Variants in STXBP5L observed in about 807,000 individuals in gnomAD.
The protein encoded by STXBP5L is syntaxin-binding protein 5-like.
A neutral mutation model predicts 144.5 loss-of-function variants in STXBP5L; 65 were observed. The observed-to-expected ratio is 0.45, with a 90% CI of 0.37 to 0.55. The LOEUF (loss-of-function observed/expected upper bound fraction) is 0.55, where lower values mean the gene tolerates loss of function less well. STXBP5L is among the 20% of genes least tolerant of loss of function. The probability of loss-of-function intolerance (pLI) is 0.00; values close to 1 mark genes in which losing one functional copy is unlikely to be tolerated. For missense variants in STXBP5L, 1,298 were observed against 1,405.5 expected (o/e 0.92, Z 1.22); for synonymous variants, 505 against 469.6 (o/e 1.08, Z -0.97).
intron 7 of STXBP5L, among the ~76,000 whole-genome samples, chr3:121,140,940 T>C (rs898212103): frequency 6.6e-6 from 1 of 152,164 alleles, no homozygotes; most frequent in African/African-American, 2.4e-5. Context: ...CTTTTAACTA[T>C]AATAAGTTTA....
chr3:121,034,712 G>T (rs1000403340), intron 3 of STXBP5L, among the ~76,000 whole-genome samples: 4 of 152,088 alleles, frequency 2.6e-5, no homozygotes, highest in African/African-American at 9.7e-5. Context: ...TTGGTATAAT[G>T]ATTTCTTCTC....
At chr3:121,229,164 C>T (rs1201805128) in intron 11 of STXBP5L, among the ~76,000 whole-genome samples, 1 of 152,116 alleles carries the variant, frequency 6.6e-6, no homozygotes, top group Non-Finnish European at 1.5e-5. Flanking sequence ...AGTTATATCG[C>T]TCTAGGAAAA....
chr3:121,223,088 A>G lies in STXBP5L; in HGVS notation c.1042A>G (p.Ile348Val). The stretch of plus-strand genomic sequence containing the variant: ...TTTAACCATCATGCATGGAAAAGCA[A>G]TTACAGTACTTGAAATGGATCATCC... Reference protein sequence around the residue: ...PSLTIMHGKAITVLEMDHPIV... With the variant: ...PSLTIMHGKAVTVLEMDHPIV... The change falls in exon 11 of 27, where the codon ATT becomes GTT. Residue 348 changes from isoleucine to valine, a missense_variant. By Grantham distance (29) the Ile-to-Val change is conservative. Transcript: ENST00000471454. The G allele has an allele frequency of 6.2e-7, 1 of 1,612,930 alleles. No individual in the cohort carries two copies. The highest frequency in any genetic ancestry group is 1.1e-5 in the South Asian group (1 of 90,930).
In STXBP5L at chr3:121,362,046, A is replaced by G. The variant is rs747157939; in HGVS notation, c.2177-16670A>G. Among the ~76,000 whole-genome samples the G allele has an allele frequency of 1.5e-4, 23 of 152,372 alleles. No homozygotes were observed. In the South Asian group the frequency reaches 1.7e-3, roughly 11 times the overall value. ...GCTATAGTTCTTGCAGACTCATAGA[A>G]GTACTGCTTTAATAGTCTTGGACAA... On this transcript the variant is annotated intron_variant, in intron 20 of 26. Transcript: ENST00000471454.
At position 120,961,991 on chromosome 3, in the gene STXBP5L, T is replaced by C. The variant is rs185443595; in HGVS notation, c.287+6954T>C. ...CCAACTGGCATGAGATGGTATCTCA[T>C]TGTGGGTTTGAATTTCATTTCTCTG... On this transcript the variant is annotated intron_variant, in intron 3 of 26. Coordinates refer to ENST00000471454, the MANE Select transcript of STXBP5L (RefSeq NM_001308330.2). Among the ~76,000 whole-genome samples the C allele has an allele frequency of 2.2e-3, 334 of 152,362 alleles. 1 individual carries two copies. The highest frequency in any genetic ancestry group is 7.3e-3 in the African/African-American group (303 of 41,582).
intron 20 of STXBP5L, among the ~76,000 whole-genome samples, chr3:121,331,318 T>G (rs1577475657): frequency 6.6e-6 from 1 of 152,190 alleles, no homozygotes; most frequent in East Asian, 1.9e-4. Context: ...TCCCCCTTGC[T>G]CGCCACTGCA....
intron 3 of STXBP5L, among the ~76,000 whole-genome samples, chr3:120,973,904 G>C (rs1197189321): frequency 6.6e-6 from 1 of 152,116 alleles, no homozygotes. Context: ...GTATTCCATG[G>C]TGTATATATG....
At chr3:121,088,388 T>C (rs1479790418) in intron 5 of STXBP5L, among the ~76,000 whole-genome samples, 1 of 114,298 alleles carries the variant, frequency 8.7e-6, no homozygotes, top group Non-Finnish European at 1.8e-5. Flanking sequence ...AAAACCACTA[T>C]GAGATATCAT....
chr3:121,010,676 T>C (rs771290233), intron 3 of STXBP5L, among the ~76,000 whole-genome samples: 33 of 151,914 alleles, frequency 2.2e-4, no homozygotes, highest in Non-Finnish European at 4.7e-4. Flanking sequence ...ACTAATAACA[T>C]AAACAGTCAA....
chr3:121,004,603 G>A (rs1388995414), intron 3 of STXBP5L, among the ~76,000 whole-genome samples: 2 of 152,090 alleles, frequency 1.3e-5, no homozygotes, highest in Non-Finnish European at 1.5e-5. Context: ...TAGGAGTGGT[G>A]AGAGAGGGCA....
Position 121,041,747 on chromosome 3 carries a change from C to T in STXBP5L, c.335C>T (p.Ala112Val). 6.2e-7 allele frequency: 1 copy of T among 1,612,720 alleles called. No homozygotes were observed. The highest frequency in any genetic ancestry group is 8.5e-7 in the Non-Finnish European group (1 of 1,179,142). The change falls in exon 4 of 27, where the codon GCA becomes GTA. Residue 112 changes from alanine to valine, a missense_variant. Ala to Val is a moderately conservative substitution (Grantham distance 64, BLOSUM62 0). Coordinates refer to ENST00000471454, the MANE Select transcript of STXBP5L (RefSeq NM_001308330.2). Reference protein sequence around the residue: ...VDCYCQHESGAAVLQLQFLIN... With the variant: ...VDCYCQHESGVAVLQLQFLIN... ...TGCTATTGCCAACATGAAAGTGGTG[C>T]AGCTGTCCTACAGCTCCAATTTTTG... is the stretch of plus-strand genomic sequence containing the variant.
chr3:121,043,912 G>T (rs1312366064), intron 4 of STXBP5L, among the ~76,000 whole-genome samples: 1 of 152,078 alleles, frequency 6.6e-6, no homozygotes, highest in African/African-American at 2.4e-5. Context: ...CATCTCAGGT[G>T]AACTTCCACC....
At chr3:120,922,667 C>T (rs993238502) in intron 2 of STXBP5L, among the ~76,000 whole-genome samples, 2 of 151,874 alleles carry the variant, frequency 1.3e-5, no homozygotes, top group East Asian at 1.9e-4. Flanking sequence ...GGGTTTTTCT[C>T]ATAAAGGGAT....
chr3:120,996,722 G>C (rs548151929), intron 3 of STXBP5L, among the ~76,000 whole-genome samples: 17 of 152,134 alleles, frequency 1.1e-4, no homozygotes, highest in Admixed American at 3.9e-4. Flanking sequence ...TTCTATCTGT[G>C]TCTGGAGTTT....
At chr3:121,159,834 G>A (rs1008371275) in intron 9 of STXBP5L, among the ~76,000 whole-genome samples, 3 of 151,526 alleles carry the variant, frequency 2.0e-5, no homozygotes, top group Admixed American at 1.3e-4. Flanking sequence ...GGGTTTCACC[G>A]TGTTAGCCAG....
At chr3:121,416,469 ATTTTTATTTAT>A (rs1407128844) in intron 25 of STXBP5L, among the ~76,000 whole-genome samples, 1 of 25,974 alleles carries the variant, frequency 3.9e-5, no homozygotes, top group African/African-American at 1.5e-4. Flanking sequence ...TCACTGGTAG[ATTTTTATTTAT>A]TTATTTATTT....
At chr3:121,078,556 A>G (rs2042120933) in intron 5 of STXBP5L, among the ~76,000 whole-genome samples, 1 of 152,194 alleles carries the variant, frequency 6.6e-6, no homozygotes, top group South Asian at 2.1e-4. Flanking sequence ...TGGGTGGTCG[A>G]TGGGACTGGG....
At chr3:121,121,904 T>C (rs1034281036) in intron 7 of STXBP5L, among the ~76,000 whole-genome samples, 200 bp downstream of exon 7, 13 of 151,108 alleles carry the variant, frequency 8.6e-5, no homozygotes, top group Admixed American at 8.6e-4. Flanking sequence ...ATTAAGTCTT[T>C]AGCTTTACTG....
chr3:121,302,207 G>A (rs1287437461), intron 19 of STXBP5L, among the ~76,000 whole-genome samples: 4 of 151,876 alleles, frequency 2.6e-5, no homozygotes, highest in Non-Finnish European at 5.9e-5. Flanking sequence ...ATTAATTATT[G>A]CCTCAATTTC....
Sources: gnomAD v4.1 joint callset for allele counts (sites outside exome capture counted in the v4.1 genomes callset) on GRCh38, gnomAD v4.1.1 for gene constraint, MANE v1.5 for transcripts, NCBI Gene and HGNC (gene_info 2026-07-23, HGNC 2026-07-21) for gene names.